The following COL25A1 variants were observed in gnomAD, a reference collection of about 807,000 sequenced individuals.
COL25A1 encodes collagen alpha-1(XXV) chain.
In COL25A1, 103 loss-of-function variants were observed where a neutral mutation model predicts 128.4. The ratio of observed to expected loss-of-function variants is 0.80; its 90% CI spans 0.68 to 0.94. The LOEUF is 0.94. Among genes scored for constraint, COL25A1 ranks in the 40% least tolerant of loss-of-function variants. The probability of loss-of-function intolerance (pLI) is 0.00; values close to 1 mark genes in which losing one functional copy is unlikely to be tolerated. For synonymous variants in COL25A1, 279 were observed against 277.2 expected (o/e 1.01, Z -0.06); for missense variants, 745 against 840.0 (o/e 0.89, Z 1.40).
At chr4:109,157,966 G>A (rs1772192852) in intron 3 of COL25A1, among the ~76,000 whole-genome samples, 1 of 152,240 alleles carries the variant, frequency 6.6e-6, no homozygotes, top group Admixed American at 6.5e-5. Flanking sequence ...AGCTCTAGAT[G>A]TGGAGCCAGC....
chr4:108,955,376 T>C (rs182452047), intron 8 of COL25A1, among the ~76,000 whole-genome samples: 5 of 152,212 alleles, frequency 3.3e-5, no homozygotes, highest in African/African-American at 4.8e-5. Flanking sequence ...CAAAACGAAT[T>C]TGACTAAGAA....
intron 5 of COL25A1, among the ~76,000 whole-genome samples, chr4:109,040,521 A>G (rs1759781742): frequency 6.6e-6 from 1 of 152,198 alleles, no homozygotes; most frequent in Admixed American, 6.5e-5. Flanking sequence ...TTGTAACAGC[A>G]CTTTATTTTC....
intron 3 of COL25A1, among the ~76,000 whole-genome samples, chr4:109,185,277 GATA>G (rs1775029907): frequency 6.6e-6 from 1 of 152,068 alleles, no homozygotes; most frequent in Non-Finnish European, 1.5e-5. Flanking sequence ...TAATCTCTGG[GATA>G]ATAATAATCA....
chr4:109,111,689 C>A (rs3108938), intron 3 of COL25A1, among the ~76,000 whole-genome samples: 32,123 of 151,972 alleles, frequency 0.21, 4,041 homozygotes, highest in East Asian at 0.39. Context: ...GCTTCCCCTT[C>A]CCCTTTCCAG....
At position 108,813,886 on chromosome 4, in the gene COL25A1, AC is replaced by A. The variant is rs774468749; in HGVS notation, c.*40del. ...TTTCAACTATAAATATTAAAAATGG[AC>A]CCTTATATACACAACTTCATGCTTG... On this transcript the variant is annotated 3_prime_UTR_variant, in exon 38 of 38. Coordinates refer to ENST00000399132, the MANE Select transcript of COL25A1 (RefSeq NM_198721.4). 2.0e-6 allele frequency: 3 copies of A among 1,500,082 alleles called. No homozygotes were observed. Among genetic ancestry groups the A allele is most frequent in the Admixed American group, 2.0e-5 (1 of 50,538 alleles). 92.9% of individuals were successfully genotyped at this position (1,500,082 alleles called of 1,614,324 possible).
At chr4:109,259,982 G>A (rs765391596) in intron 3 of COL25A1, among the ~76,000 whole-genome samples, 7 of 152,196 alleles carry the variant, frequency 4.6e-5, no homozygotes, top group South Asian at 2.1e-4. Context: ...ACAAACAGGC[G>A]ATGCAGGCGA....
At chr4:109,255,483 T>C (rs532507785) in intron 3 of COL25A1, among the ~76,000 whole-genome samples, 13 of 152,300 alleles carry the variant, frequency 8.5e-5, no homozygotes, top group African/African-American at 2.6e-4. Flanking sequence ...GGAGTGTCTC[T>C]GAATGGGAAA....
At chr4:108,873,673 T>G (rs1739080375) in intron 19 of COL25A1, among the ~76,000 whole-genome samples, 1 of 152,124 alleles carries the variant, frequency 6.6e-6, no homozygotes, top group African/African-American at 2.4e-5. Flanking sequence ...CCTAGGGTTA[T>G]ACTCAATACT....
intron 3 of COL25A1, among the ~76,000 whole-genome samples, chr4:109,163,712 C>T (rs1772801156): frequency 6.6e-6 from 1 of 152,206 alleles, no homozygotes. Flanking sequence ...CAGCTCAGCT[C>T]TTGAACTACT....
chr4:109,040,162 C>T (rs1274311930), intron 5 of COL25A1, among the ~76,000 whole-genome samples: 2 of 152,094 alleles, frequency 1.3e-5, no homozygotes, highest in Non-Finnish European at 2.9e-5. Flanking sequence ...TTTAATTCCA[C>T]CAAAACAGAA....
intron 3 of COL25A1, among the ~76,000 whole-genome samples, chr4:109,131,363 G>A (rs1311376110): frequency 6.6e-6 from 1 of 152,030 alleles, no homozygotes; most frequent in Non-Finnish European, 1.5e-5. Flanking sequence ...CCATTGGACA[G>A]TATTGCCCTC....
intron 3 of COL25A1, among the ~76,000 whole-genome samples, chr4:109,133,179 T>C (rs1769390837): frequency 6.6e-6 from 1 of 152,090 alleles, no homozygotes; most frequent in African/African-American, 2.4e-5. Flanking sequence ...TGACATAACA[T>C]TTAGAATGAA....
chr4:109,075,221 T>C (rs1206729876), intron 3 of COL25A1, among the ~76,000 whole-genome samples: 1 of 152,160 alleles, frequency 6.6e-6, no homozygotes, highest in African/African-American at 2.4e-5. Context: ...CAGAACAGAA[T>C]ATCACTGTTA....
intron 3 of COL25A1, among the ~76,000 whole-genome samples, chr4:109,138,161 G>T (rs1340132779): frequency 6.6e-6 from 1 of 151,918 alleles, no homozygotes; most frequent in African/African-American, 2.4e-5. Context: ...GACAGACCCT[G>T]GTGTGTGATG....
intron 30 of COL25A1, 88 bp from the exon 31 acceptor site, chr4:108,841,809 G>GCTTGTCTCACATCTCT: frequency 9.5e-7 from 1 of 1,054,572 alleles, no homozygotes; most frequent in Non-Finnish European, 1.5e-6. Flanking sequence ...CAAAAGAGAT[G>GCTTGTCTCACATCTCT]TGAGACAAGC....
At chr4:108,917,432 C>A (rs1745005074) in intron 13 of COL25A1, among the ~76,000 whole-genome samples, 1 of 152,162 alleles carries the variant, frequency 6.6e-6, no homozygotes, top group African/African-American at 2.4e-5. Flanking sequence ...CGCTCAGCTT[C>A]CTGGCTCCTG....
chr4:108,838,980 C>T (rs867832517), intron 31 of COL25A1, among the ~76,000 whole-genome samples: 3 of 150,888 alleles, frequency 2.0e-5, no homozygotes, highest in Non-Finnish European at 2.9e-5. Context: ...AACTTTTAAG[C>T]GTAGACATTA....
At chr4:109,194,617 T>C (rs1578406037) in intron 3 of COL25A1, among the ~76,000 whole-genome samples, 1 of 152,114 alleles carries the variant, frequency 6.6e-6, no homozygotes, top group South Asian at 2.1e-4. Flanking sequence ...ATAGGTAACT[T>C]TGTAAACTGC....
chr4:108,866,421 G>A (rs902558083), intron 20 of COL25A1, among the ~76,000 whole-genome samples: 1 of 151,900 alleles, frequency 6.6e-6, no homozygotes, highest in African/African-American at 2.4e-5. Context: ...TCAAACTCCT[G>A]GGCTCAAGCA....
Sources: allele counts gnomAD v4.1 joint callset (sites outside exome capture counted in the v4.1 genomes callset), GRCh38; gene constraint gnomAD v4.1.1; transcripts MANE v1.5; gene names NCBI Gene and HGNC (gene_info 2026-07-23, HGNC 2026-07-21).